ZNF839: variants seen among roughly 807,000 people sequenced by gnomAD.
The protein encoded by ZNF839 is zinc finger protein 839.
In ZNF839, 38 loss-of-function variants were observed where a neutral mutation model predicts 56.4. That is an observed-to-expected ratio of 0.67 (90% CI 0.52 to 0.88). The LOEUF (loss-of-function observed/expected upper bound fraction) is 0.88, where lower values mean the gene tolerates loss of function less well. ZNF839 is among the 40% of genes least tolerant of loss of function. The pLI is 0.00. For synonymous variants in ZNF839, 486 were observed against 493.5 expected (o/e 0.98, Z 0.20); for missense variants, 1,091 against 1,177.6 (o/e 0.93, Z 1.08).
chr14:102,324,560 T>C (rs1007645107), intron 1 of ZNF839, among the ~76,000 whole-genome samples: 1 of 151,568 alleles, frequency 6.6e-6, no homozygotes, highest in Non-Finnish European at 1.5e-5. Flanking sequence ...AATTAGCTGG[T>C]CATGGTGGCA....
intron 2 of ZNF839, chr14:102,331,376 G>A: frequency 2.7e-6 from 1 of 374,180 alleles, no homozygotes; most frequent in Middle Eastern, 7.7e-4. Context: ...AACCTCCCGA[G>A]TAGCCAGGAC....
At chr14:102,336,012 C>G (rs2073998575) in intron 5 of ZNF839, among the ~76,000 whole-genome samples, 174 bp downstream of exon 5, 1 of 152,124 alleles carries the variant, frequency 6.6e-6, no homozygotes, top group Non-Finnish European at 1.5e-5. Flanking sequence ...AACTCAGTCT[C>G]TACTAAAAAT....
chr14:102,326,424 C>T lies in ZNF839; in HGVS notation c.728C>T (p.Ser243Leu), dbSNP rs763129239. 6.8e-6 allele frequency: 11 copies of T among 1,613,622 alleles called. No individual in the cohort carries two copies. Among genetic ancestry groups the T allele is most frequent in the Admixed American group, 1.7e-5 (1 of 59,952 alleles). ...HTRHTEKLKK[S>L]LKVKTRSGRV... ...AGACATACTGAGAAACTAAAAAAAT[C>T]GTTAAAAGTAAAGACACGTTCTGGA... The change falls in exon 2 of 8, where the codon TCG becomes TTG. Residue 243 changes from serine (S) to leucine (L), a missense_variant. Around this residue, in one of 3 missense-constraint regions of ZNF839, gnomAD observed 614 missense variants for 629.2 expected, o/e 0.98. Transcript: ENST00000442396. This position sits in a 1 kb window ranked among gnomAD's most constrained non-coding sequence, Gnocchi z 4.3.
Position 102,335,677 on chromosome 14 carries a change from A to G in ZNF839, c.1510-12A>G. The G allele has an allele frequency of 6.3e-7, 1 of 1,578,850 alleles. No individual in the cohort carries two copies. Among genetic ancestry groups the G allele is most frequent in the Non-Finnish European group, 8.5e-7 (1 of 1,172,592 alleles). On this transcript the variant is annotated splice_polypyrimidine_tract_variant and intron_variant, in intron 4 of 7. Transcript: ENST00000442396. ...AGTTTAAACTTTTTTTTTGGTCTTT[A>G]TCTTCACGAAGGTTGAAAAAGATCA...
intron 5 of ZNF839, chr14:102,336,733 C>CT (rs369596864): frequency 0.047 from 13,496 of 286,776 alleles, no homozygotes; most frequent in South Asian, 0.083. Flanking sequence ...TCATTTTCTT[C>CT]TTTTTTTTTT....
At chr14:102,330,799 T>C (rs1246737638) in intron 2 of ZNF839, among the ~76,000 whole-genome samples, 2 of 152,236 alleles carry the variant, frequency 1.3e-5, no homozygotes, top group East Asian at 3.8e-4. Flanking sequence ...ATTACAGGCA[T>C]GAGCCACCGG....
upstream of ZNF839, among the ~76,000 whole-genome samples, chr14:102,318,399 G>A (rs1281365292): frequency 2.0e-5 from 3 of 152,164 alleles, no homozygotes; most frequent in African/African-American, 7.2e-5. Flanking sequence ...TGGGAAGGCC[G>A]AGGCGGGCGG....
intron 5 of ZNF839, 117 bp from the exon 6 acceptor site, chr14:102,338,699 G>A (rs1886135862): frequency 7.1e-7 from 1 of 1,410,850 alleles, no homozygotes; most frequent in Non-Finnish European, 9.7e-7. Context: ...TCTCACAGTA[G>A]GTGAGGAACT....
Position 102,339,212 on chromosome 14 carries a change from C to T in ZNF839, c.1916C>T (p.Ala639Val). The T allele has an allele frequency of 6.2e-7, 1 of 1,611,014 alleles. No individual in the cohort carries two copies. Among genetic ancestry groups the T allele is most frequent in the East Asian group, 2.2e-5 (1 of 44,814 alleles). ...CGGGAGAAGCCCAGGCCCTTGCATG[C>T]TTTGGCCGCTGGTGAGGGTAAAATG... ...RGREKPRPLH[A>V]LAAGFSPPVN... The change falls in exon 7 of 8, where the codon GCT becomes GTT. Residue 639 changes from alanine to valine, a missense_variant. Around this residue, in one of 3 missense-constraint regions of ZNF839, gnomAD observed 431 missense variants for 468.0 expected, o/e 0.92. Transcript: ENST00000442396.
At chr14:102,320,163 A>G in intron 1 of ZNF839, 110 bp downstream of exon 1, 1 of 1,040,776 alleles carries the variant, frequency 9.6e-7, no homozygotes, top group African/African-American at 1.7e-5. Context: ...GTTAAGACTC[A>G]GGGCGTCCCC....
chr14:102,319,242 C>G (rs1185742699), upstream of ZNF839: 1 of 152,254 alleles, frequency 6.6e-6, no homozygotes, highest in Non-Finnish European at 1.5e-5. This position sits in a 1 kb window ranked among gnomAD's most constrained non-coding sequence, Gnocchi z 4.5. Flanking sequence ...CTTCAAGGTG[C>G]ACCCAATCTG....
At position 102,338,830 on chromosome 14, in the gene ZNF839, A is replaced by G. The variant is rs1222464585; in HGVS notation, c.1674A>G (p.Leu558=). ...TTTCTTTTCAGGTTGCTGAGTCATTAGGAATCACAGAATTCCTACGGAAGA... is the reference window on the plus strand; with the variant it reads ...TTTCTTTTCAGGTTGCTGAGTCATTGGGAATCACAGAATTCCTACGGAAGA... ...EINNDKVAES[L]GITEFLRKKE... is the part of the protein sequence containing the mutation. Residue 558 remains leucine (L), a synonymous_variant, in exon 6 of 8, where the codon TTA becomes TTG. Coordinates refer to ENST00000442396, the MANE Select transcript of ZNF839 (RefSeq NM_018335.6). 1 of 1,613,964 alleles carries G rather than the reference A, an allele frequency of 6.2e-7. No homozygotes were observed. Among genetic ancestry groups the G allele is most frequent in the Admixed American group, 1.7e-5 (1 of 59,986 alleles).
At position 102,341,316 on chromosome 14, in the gene ZNF839, T is replaced by C; in HGVS notation, c.1928-7T>C. 1.3e-6 allele frequency: 2 copies of C among 1,514,180 alleles called. No individual in the cohort carries two copies. The highest frequency in any genetic ancestry group is 2.7e-5 in the South Asian group (2 of 74,288). The allele number at this position is 1,514,180 out of a possible 1,614,324, so 93.8% of individuals were successfully genotyped here. A position where few individuals can be genotyped will look rare whatever the true frequency, so the allele number is the denominator to read the frequency against. On this transcript the variant is annotated splice_polypyrimidine_tract_variant and splice_region_variant and intron_variant, in intron 7 of 7. Transcript: ENST00000442396. ...CGCCATGTTCACCTGTTTCCCAAAA[T>C]GTTTAGGTTTTTCCCCTCCAGTAAA...
chr14:102,320,713 G>A (rs1385418332), intron 1 of ZNF839, among the ~76,000 whole-genome samples: 1 of 152,152 alleles, frequency 6.6e-6, no homozygotes, highest in Non-Finnish European at 1.5e-5. Context: ...ACAATGTTTG[G>A]AATATGTGAA....
At chr14:102,329,426 C>T (rs2073654254) in intron 2 of ZNF839, among the ~76,000 whole-genome samples, 1 of 151,880 alleles carries the variant, frequency 6.6e-6, no homozygotes, top group African/African-American at 2.4e-5. Context: ...ACTCTGTTGC[C>T]CAGGCTGGAG....
chr14:102,318,496 G>A (rs1415518459), upstream of ZNF839, among the ~76,000 whole-genome samples: 2 of 152,104 alleles, frequency 1.3e-5, no homozygotes, highest in African/African-American at 4.8e-5. Context: ...AGCCAGGCAT[G>A]GTGGCGGACG....
At chr14:102,322,903 G>A (rs141518612) in intron 1 of ZNF839, among the ~76,000 whole-genome samples, 316 of 152,310 alleles carry the variant, frequency 2.1e-3, no homozygotes, top group Middle Eastern at 3.4e-3. Flanking sequence ...AGTCAATCTC[G>A]TTGTCATTTG....
Position 102,338,844 on chromosome 14 carries a change from TC to T in ZNF839, c.1690del (p.Leu564TyrfsTer25), listed in dbSNP as rs1263381101. ...KVAESLGITE[F>X]LRKKEIHPDN... Reference sequence around the variant, plus strand: ...GCTGAGTCATTAGGAATCACAGAATTCCTACGGAAGAAAGAAATACACCCAG... The same window carrying T: ...GCTGAGTCATTAGGAATCACAGAATTCTACGGAAGAAAGAAATACACCCAG... On this transcript the variant is annotated frameshift_variant, in exon 6 of 8. Transcript: ENST00000442396. LOFTEE classifies it high-confidence loss of function. 3 of 1,613,792 alleles carry T rather than the reference TC, an allele frequency of 1.9e-6. No individual in the cohort carries two copies. In the South Asian group the frequency reaches 3.3e-5, roughly 18 times the overall value.
chr14:102,322,257 AT>A (rs2073168043), intron 1 of ZNF839, among the ~76,000 whole-genome samples: 1 of 152,316 alleles, frequency 6.6e-6, no homozygotes, highest in Non-Finnish European at 1.5e-5. Flanking sequence ...CTTCAGAATC[AT>A]CAGTGGAGCT....
Sources: gnomAD v4.1 joint callset for allele counts (sites outside exome capture counted in the v4.1 genomes callset) on GRCh38, gnomAD v4.1.1 for gene constraint, gnomAD v4.1.1 regional missense constraint, Gnocchi (gnomAD v3.1) non-coding constraint, MANE v1.5 for transcripts, NCBI Gene and HGNC (gene_info 2026-07-23, HGNC 2026-07-21) for gene names.